The following GK5 variants were observed in gnomAD, a reference collection of about 807,000 sequenced individuals.
The protein encoded by GK5 is ATP:glycerol 3-phosphotransferase 5.
A neutral mutation model predicts 77.3 loss-of-function variants in GK5; 39 were observed. The ratio of observed to expected loss-of-function variants is 0.50; its 90% CI spans 0.39 to 0.66. The LOEUF (loss-of-function observed/expected upper bound fraction) is 0.66. GK5 is among the 30% of genes least tolerant of loss of function. The probability of loss-of-function intolerance (pLI) is 0.00; values close to 1 mark genes in which losing one functional copy is unlikely to be tolerated. For missense variants in GK5, 487 were observed against 633.8 expected, an observed-to-expected ratio of 0.77 and a Z score of 2.49; for synonymous variants, 211 against 208.0, an observed-to-expected ratio of 1.01 and a Z score of -0.13.
intron 9 of GK5, among the ~76,000 whole-genome samples, chr3:142,184,260 C>CAAAAAAAAAAAAAA (rs1161704184): frequency 3.7e-4 from 4 of 10,668 alleles, no homozygotes; most frequent in African/African-American, 1.2e-3. Flanking sequence ...GACTCTGTCT[C>CAAAAAAAAAAAAAA]AAAAAAAAAA....
intron 11 of GK5, among the ~76,000 whole-genome samples, chr3:142,180,538 G>A (rs1394668071): frequency 4.6e-5 from 7 of 152,118 alleles, no homozygotes; most frequent in Admixed American, 2.6e-4. Flanking sequence ...CCAACCTCAG[G>A]TAATCCACGT....
In GK5 at chr3:142,196,033, A is replaced by C. The variant is rs140279096; in HGVS notation, c.543+2769T>G. Reference sequence around the variant, plus strand: ...TGTTATAGATTTATTCAGATTATTTATTTCTCCTCGAGTTATTTCCAGTAG... The same window carrying C: ...TGTTATAGATTTATTCAGATTATTTCTTTCTCCTCGAGTTATTTCCAGTAG... On this transcript the variant is annotated intron_variant, in intron 5 of 15. Transcript: ENST00000392993. Among the ~76,000 whole-genome samples, 946 of 152,034 alleles carry C rather than the reference A, an allele frequency of 6.2e-3. 6 individuals carry two copies. The highest frequency in any genetic ancestry group is 7.1e-3 in the Non-Finnish European group (485 of 67,960).
At chr3:142,184,275 A>G (rs2107776107) in intron 9 of GK5, among the ~76,000 whole-genome samples, 1 of 149,332 alleles carries the variant, frequency 6.7e-6, no homozygotes, top group East Asian at 2.0e-4. Flanking sequence ...AAAAAAAAAA[A>G]AAAAAAAAAA....
rs771098490 is a variant in GK5 at position 142,187,734 on chromosome 3, C to T, written c.589G>A (p.Asp197Asn). 1.2e-6 allele frequency: 2 copies of T among 1,612,366 alleles called. No individual in the cohort carries two copies. The highest frequency in any genetic ancestry group is 2.2e-5 in the South Asian group (2 of 90,536). The change falls in exon 6 of 16, where the codon GAT becomes AAT. Residue 197 changes from aspartate (D) to asparagine (N), a missense_variant. By Grantham distance (23) the Asp-to-Asn change is conservative. Around this residue, in one of 4 missense-constraint regions of GK5, gnomAD observed 323 missense variants for 437.4 expected, o/e 0.74. Transcript: ENST00000392993. ...EEENCCFGTI[D>N]TWLLYKLTKG... The stretch of plus-strand genomic sequence containing the variant: ...GTGAGCTTATATAACAACCAGGTAT[C>T]AATAGTCCCAAAGCAGCAATTTTCT...
At position 142,215,682 on chromosome 3, in the gene GK5, A is replaced by G; in HGVS notation, c.158T>C (p.Leu53Pro). The change falls in exon 2 of 16, where the codon CTT becomes CCT. Residue 53 changes from leucine (L) to proline (P), a missense_variant. This residue lies in a region of GK5 where 97 missense variants were observed against 86.9 expected (regional missense o/e 1.12). Transcript: ENST00000392993. ...TTCTACCCAGCCAATTTGAGGATAA[A>G]GATTTTCTACCTATTAAGGAAAAGA... ...CGSSVQKVEN[L>P]YPQIGWVEID... 1 of 1,556,050 alleles carries G rather than the reference A, an allele frequency of 6.4e-7. No individual in the cohort carries two copies. The highest frequency in any genetic ancestry group is 8.8e-7 in the Non-Finnish European group (1 of 1,129,986).
intron 14 of GK5, among the ~76,000 whole-genome samples, 189 bp from the exon 15 acceptor site, chr3:142,170,647 T>C (rs2063525025): frequency 6.6e-6 from 1 of 152,220 alleles, no homozygotes; most frequent in South Asian, 2.1e-4. Flanking sequence ...ACATTTTCCT[T>C]ATTTCTGCCA....
intron 15 of GK5, among the ~76,000 whole-genome samples, chr3:142,166,390 C>T (rs1191294751): frequency 1.3e-5 from 2 of 152,090 alleles, no homozygotes; most frequent in African/African-American, 4.8e-5. Context: ...GCATAAAATT[C>T]AAAGTTGGAG....
rs562970815 is a variant in GK5, at chr3:142,187,862, T to C, written c.544-83A>G. The C allele has an allele frequency of 8.6e-5, 79 of 918,396 alleles. No homozygotes were observed. In the South Asian group the frequency reaches 1.1e-3, roughly 13 times the overall value. 56.9% of individuals were successfully genotyped at this position (918,396 alleles called of 1,614,324 possible). On this transcript the variant is annotated intron_variant, in intron 5 of 15. Transcript: ENST00000392993. ...TTAAATGCAGATCAGTGATACAATA[T>C]AAACCCATTTTTATAAAAATTAATA...
rs1404791397 is a variant in GK5 at position 142,187,740 on chromosome 3, T to C, written c.583A>G (p.Thr195Ala). 1 of 1,612,632 alleles carries C rather than the reference T, an allele frequency of 6.2e-7. No homozygotes were observed. Among genetic ancestry groups the C allele is most frequent in the Non-Finnish European group, 8.5e-7 (1 of 1,179,558 alleles). The change falls in exon 6 of 16, where the codon ACT (threonine) becomes GCT (alanine). Residue 195 changes from threonine to alanine, a missense_variant. Thr to Ala is a moderately conservative substitution (Grantham distance 58, BLOSUM62 0). Coordinates refer to ENST00000392993, the MANE Select transcript of GK5 (RefSeq NM_001039547.3). Reference sequence around the variant, plus strand: ...TTATATAACAACCAGGTATCAATAGTCCCAAAGCAGCAATTTTCTTCTTCA... The same window carrying C: ...TTATATAACAACCAGGTATCAATAGCCCCAAAGCAGCAATTTTCTTCTTCA... ...AVEEENCCFG[T>A]IDTWLLYKLT...
At chr3:142,192,891 C>T (rs2063873475) in intron 5 of GK5, among the ~76,000 whole-genome samples, 2 of 151,976 alleles carry the variant, frequency 1.3e-5, no homozygotes, top group South Asian at 4.1e-4. Flanking sequence ...ATGCATATTG[C>T]TAAGTGAAAG....
rs748336818 is a variant in GK5 at position 142,172,392 on chromosome 3, T to C, written c.1208A>G (p.Tyr403Cys). 1 of 1,604,842 alleles carries C rather than the reference T, an allele frequency of 6.2e-7. No individual in the cohort carries two copies. Among genetic ancestry groups the C allele is most frequent in the Admixed American group, 1.7e-5 (1 of 59,934 alleles). Reference sequence around the variant, plus strand: ...CTCCAATATTGCTCGTACAAGATGGTATTTACTGGTAGAAGGCTTCAAACC... The same window carrying C: ...CTCCAATATTGCTCGTACAAGATGGCATTTACTGGTAGAAGGCTTCAAACC... ...FMGLKPSTSK[Y>C]HLVRAILESI... Residue 403 changes from tyrosine to cysteine, a missense_variant, in exon 13 of 16, where the codon TAC becomes TGC. This residue lies in a region of GK5 where 323 missense variants were observed against 437.4 expected (regional missense o/e 0.74). Transcript: ENST00000392993.
chr3:142,185,648 A>T (rs1457727869), intron 9 of GK5: 1 of 1,218,514 alleles, frequency 8.2e-7, no homozygotes, highest in Non-Finnish European at 1.0e-6. Context: ...GAATTAAAAA[A>T]AATTTTTTTT....
chr3:142,202,043 C>T (rs2064033643), intron 4 of GK5, among the ~76,000 whole-genome samples: 1 of 152,064 alleles, frequency 6.6e-6, no homozygotes, highest in African/African-American at 2.4e-5. Context: ...CAGAGAGACC[C>T]CGTGCATGTA....
chr3:142,223,977 G>A (rs1424054059), intron 1 of GK5, among the ~76,000 whole-genome samples: 1 of 152,202 alleles, frequency 6.6e-6, no homozygotes, highest in Admixed American at 6.5e-5. Context: ...CCTCTAAGGT[G>A]GTGGGAAGAA....
At chr3:142,213,148 T>A (rs1025315216) in intron 3 of GK5, among the ~76,000 whole-genome samples, 1 of 152,230 alleles carries the variant, frequency 6.6e-6, no homozygotes, top group African/African-American at 2.4e-5. Flanking sequence ...TAGACAAATA[T>A]TAAATTTAGA....
chr3:142,192,376 G>T (rs1407084276), intron 5 of GK5, among the ~76,000 whole-genome samples: 1 of 152,312 alleles, frequency 6.6e-6, no homozygotes, highest in African/African-American at 2.4e-5. Context: ...ATGAGTTGAA[G>T]ATTTATGTCC....
At chr3:142,192,095 T>C (rs9813746) in intron 5 of GK5, among the ~76,000 whole-genome samples, 20,345 of 152,242 alleles carry the variant, frequency 0.13, 1,438 homozygotes, top group Admixed American at 0.18. Context: ...AAATATGCTC[T>C]GTATCACAAG....
intron 3 of GK5, among the ~76,000 whole-genome samples, chr3:142,209,882 AC>A (rs1245617873): frequency 7.2e-5 from 11 of 152,164 alleles, no homozygotes; most frequent in Non-Finnish European, 2.9e-5. Flanking sequence ...ATTGGCACAC[AC>A]CCTGATCTGA....
chr3:142,167,332 C>T (rs946415080), intron 15 of GK5, among the ~76,000 whole-genome samples: 10 of 151,838 alleles, frequency 6.6e-5, no homozygotes, highest in African/African-American at 9.7e-5. Context: ...CGAGATCGCA[C>T]CACTGCACTC....
Sources: allele counts gnomAD v4.1 joint callset (sites outside exome capture counted in the v4.1 genomes callset), GRCh38; gene constraint gnomAD v4.1.1; regional missense constraint gnomAD v4.1.1; transcripts MANE v1.5; gene names NCBI Gene and HGNC (gene_info 2026-07-23, HGNC 2026-07-21).